The following SP100 variants were observed in gnomAD, a reference collection of about 807,000 sequenced individuals.
SP100 encodes nuclear autoantigen Sp-100.
In SP100, 84 loss-of-function variants were observed where a neutral mutation model predicts 130.0. That is an observed-to-expected ratio of 0.65 (90% CI 0.54 to 0.77). SP100 has a LOEUF of 0.77. SP100 is among the 30% of genes least tolerant of loss of function. SP100 has a pLI of 0.00. For synonymous variants in SP100, 331 were observed against 351.7 expected (o/e 0.94, Z 0.66); for missense variants, 978 against 1,052.2 (o/e 0.93, Z 0.97).
At chr2:230,527,329 T>A (rs1691478153) in intron 24 of SP100, among the ~76,000 whole-genome samples, 1 of 152,126 alleles carries the variant, frequency 6.6e-6, no homozygotes, top group African/African-American at 2.4e-5. Flanking sequence ...CAAACTAAAC[T>A]TCATAAGTGA....
chr2:230,515,744 A>T, intron 24 of SP100: 1 of 1,512,436 alleles, frequency 6.6e-7, no homozygotes, highest in Non-Finnish European at 8.7e-7. Flanking sequence ...ACTGTGTAAG[A>T]TTTGTTTTTA....
intron 24 of SP100, among the ~76,000 whole-genome samples, chr2:230,536,511 A>G (rs1252415957): frequency 6.6e-6 from 1 of 152,204 alleles, no homozygotes; most frequent in Admixed American, 6.5e-5. Flanking sequence ...CATAACATCA[A>G]GGGACTGAAA....
intron 17 of SP100, among the ~76,000 whole-genome samples, chr2:230,483,591 T>C (rs974469215): frequency 6.6e-6 from 1 of 152,124 alleles, no homozygotes; most frequent in African/African-American, 2.4e-5. Context: ...ACATGGATAA[T>C]AGACTTTAGG....
intron 19 of SP100, among the ~76,000 whole-genome samples, chr2:230,502,486 G>A (rs2067090679): frequency 6.6e-6 from 1 of 152,122 alleles, no homozygotes; most frequent in Admixed American, 6.5e-5. Context: ...TTCCTCATCT[G>A]TAAAGTGAGG....
rs115914851 is a variant in SP100, at chr2:230,515,728, C to T, written c.2094+4562C>T. Reference sequence around the variant, plus strand: ...CTCCTTTTAAAGAAAAAAACTTCAACGTAAGACTGTGTAAGATTTGTTTTT... The same window carrying T: ...CTCCTTTTAAAGAAAAAAACTTCAATGTAAGACTGTGTAAGATTTGTTTTT... On this transcript the variant is annotated intron_variant, in intron 24 of 28. Transcript: ENST00000340126. The T allele has an allele frequency of 4.3e-3, 6,585 of 1,519,846 alleles. 52 individuals are homozygous for T. Among genetic ancestry groups the T allele is most frequent in the African/African-American group, 0.03 (2,152 of 71,932 alleles). The allele number at this position is 1,519,846 out of a possible 1,614,324, so 94.1% of individuals were successfully genotyped here.
intron 10 of SP100, among the ~76,000 whole-genome samples, chr2:230,463,449 A>G (rs1162994041): frequency 6.6e-6 from 1 of 152,174 alleles, no homozygotes; most frequent in Non-Finnish European, 1.5e-5. Flanking sequence ...GGGAAAATAC[A>G]CTAGGGAAAG....
chr2:230,417,590 G>A lies in SP100; in HGVS notation c.33-1G>A. On this transcript the variant is annotated splice_acceptor_variant, in intron 1 of 28. Transcript: ENST00000340126. LOFTEE classifies it high-confidence loss of function. Reference sequence around the variant, plus strand: ...TTGGTCCTGCCAAATTGTCTTTCTAGGAGGCTGAATGAATGTATTTCACCA... The same window carrying A: ...TTGGTCCTGCCAAATTGTCTTTCTAAGAGGCTGAATGAATGTATTTCACCA... The A allele has an allele frequency of 6.2e-7, 1 of 1,611,376 alleles. No individual in the cohort carries two copies. Among genetic ancestry groups the A allele is most frequent in the Non-Finnish European group, 8.5e-7 (1 of 1,179,224 alleles).
chr2:230,514,782 G>A (rs1690807012), intron 24 of SP100, among the ~76,000 whole-genome samples: 1 of 152,170 alleles, frequency 6.6e-6, no homozygotes. Context: ...GCCAAGCCAA[G>A]GATTTATCAT....
At position 230,448,243 on chromosome 2, in the gene SP100, T is replaced by A. The variant is rs537583801; in HGVS notation, c.524-845T>A. On this transcript the variant is annotated intron_variant, in intron 5 of 28. Coordinates refer to ENST00000340126, the MANE Select transcript of SP100 (RefSeq NM_001080391.2). The stretch of plus-strand genomic sequence containing the variant: ...GGAAGTGATGCACATGGGAAGAGGA[T>A]GTAAGTACCTAGAGGACAAAGGAAG... Among the ~76,000 whole-genome samples, 33 of 152,098 alleles carry A rather than the reference T, an allele frequency of 2.2e-4. No individual in the cohort carries two copies. The South Asian group carries it at 6.7e-3, about 31-fold the overall frequency.
At position 230,444,353 on chromosome 2, in the gene SP100, A is replaced by G; in HGVS notation, c.439+7A>G. On this transcript the variant is annotated splice_region_variant and intron_variant, in intron 4 of 28. Coordinates refer to ENST00000340126, the MANE Select transcript of SP100 (RefSeq NM_001080391.2). ...TATAAAGGCTTTGAAAATGGTAATTAGATTTATTATCTACCTTTTTATTTC... is the reference window on the plus strand; with the variant it reads ...TATAAAGGCTTTGAAAATGGTAATTGGATTTATTATCTACCTTTTTATTTC... 1 of 1,607,586 alleles carries G rather than the reference A, an allele frequency of 6.2e-7. No homozygotes were observed. The highest frequency in any genetic ancestry group is 2.2e-5 in the East Asian group (1 of 44,846).
intron 16 of SP100, 50 bp from the exon 17 acceptor site, chr2:230,474,344 A>G: frequency 1.0e-6 from 1 of 960,944 alleles, no homozygotes; most frequent in Non-Finnish European, 1.6e-6. Flanking sequence ...AAGATTTATA[A>G]ATTTTACTTA....
intron 11 of SP100, among the ~76,000 whole-genome samples, chr2:230,464,715 C>G (rs1336707317): frequency 1.3e-5 from 2 of 152,186 alleles, no homozygotes; most frequent in African/African-American, 4.8e-5. Context: ...CTTCATTTCC[C>G]CATCACAAAA....
chr2:230,512,732 C>T (rs1575786133), intron 24 of SP100, among the ~76,000 whole-genome samples: 1 of 152,096 alleles, frequency 6.6e-6, no homozygotes, highest in African/African-American at 2.4e-5. Context: ...ATTTATCCTG[C>T]ACTTTATTTC....
chr2:230,417,196 A>G (rs773366941), intron 1 of SP100, among the ~76,000 whole-genome samples: 1 of 152,138 alleles, frequency 6.6e-6, no homozygotes, highest in Non-Finnish European at 1.5e-5. Flanking sequence ...GCATTTATAT[A>G]TCTAATGCAT....
chr2:230,506,623 C>G (rs1018077292), intron 22 of SP100, 178 bp downstream of exon 22: 12 of 585,190 alleles, frequency 2.1e-5, no homozygotes, highest in Non-Finnish European at 3.3e-5. Flanking sequence ...GCTTATATTA[C>G]AGCTTAATCC....
At chr2:230,495,906 C>A (rs896730825) in intron 18 of SP100, among the ~76,000 whole-genome samples, 4 of 152,016 alleles carry the variant, frequency 2.6e-5, no homozygotes, top group African/African-American at 9.7e-5. Context: ...CCCATTACTT[C>A]TGATTATTTG....
intron 23 of SP100, chr2:230,510,657 C>T: frequency 5.0e-6 from 1 of 198,952 alleles, no homozygotes. Flanking sequence ...CCACCACACT[C>T]AGCTAATTTT....
At chr2:230,542,231 A>G (rs928147446) in intron 28 of SP100, among the ~76,000 whole-genome samples, 196 bp downstream of exon 28, 5 of 152,202 alleles carry the variant, frequency 3.3e-5, no homozygotes, top group African/African-American at 1.2e-4. Flanking sequence ...GGAAGGTGCC[A>G]TTGCAAACAT....
At chr2:230,446,477 A>G (rs1267123660) in intron 4 of SP100, among the ~76,000 whole-genome samples, 1 of 152,202 alleles carries the variant, frequency 6.6e-6, no homozygotes, top group African/African-American at 2.4e-5. Context: ...TCTCTCTAGG[A>G]CTTGAGACCT....
Sources: allele counts gnomAD v4.1 joint callset (sites outside exome capture counted in the v4.1 genomes callset), GRCh38; gene constraint gnomAD v4.1.1; transcripts MANE v1.5; gene names NCBI Gene and HGNC (gene_info 2026-07-23, HGNC 2026-07-21).